The following PTPRT variants were observed in gnomAD, a reference collection of about 807,000 sequenced individuals.
PTPRT encodes the protein receptor-type tyrosine-protein phosphatase T.
A neutral mutation model predicts 176.8 loss-of-function variants in PTPRT; 56 were observed. The observed-to-expected ratio is 0.32, with a 90% CI of 0.26 to 0.40. The LOEUF is 0.40. Among genes scored for constraint, PTPRT ranks in the 10% least tolerant of loss-of-function variants. The pLI is 1.00. For missense variants in PTPRT, 1,540 were observed against 1,908.2 expected (o/e 0.81, Z 3.60); for synonymous variants, 783 against 739.0 (o/e 1.06, Z -0.96).
At chr20:42,444,592 C>G (rs1047207728) in intron 9 of PTPRT, among the ~76,000 whole-genome samples, 2 of 151,984 alleles carry the variant, frequency 1.3e-5, no homozygotes, top group Non-Finnish European at 2.9e-5. Flanking sequence ...TGAAACTTCC[C>G]TCCTTCCCCT....
intron 1 of PTPRT, among the ~76,000 whole-genome samples, chr20:42,902,040 T>C (rs370507031): frequency 3.9e-4 from 59 of 152,216 alleles, no homozygotes; most frequent in African/African-American, 1.4e-3. Flanking sequence ...CATTCTTCCT[T>C]CCAAAGGCCT....
chr20:42,349,248 C>T (rs1391403871), intron 11 of PTPRT, among the ~76,000 whole-genome samples: 1 of 152,160 alleles, frequency 6.6e-6, no homozygotes, highest in East Asian at 1.9e-4. Flanking sequence ...AAACACACTC[C>T]CATTCTCATC....
rs2077175074 is a variant in PTPRT, at chr20:42,778,861, T to C, written c.568+1357A>G. On this transcript the variant is annotated intron_variant, in intron 4 of 30. Coordinates refer to ENST00000373187, the MANE Select transcript of PTPRT (RefSeq NM_007050.6). ...GTCAATAGAAACATTTCCCCAGGCA[T>C]GACTGAATGACAGACCCATCTGAGA... Among the ~76,000 whole-genome samples, 3 of 152,180 alleles carry C rather than the reference T, an allele frequency of 2.0e-5. No homozygotes were observed. The South Asian group carries it at 6.2e-4, about 32-fold the overall frequency.
intron 7 of PTPRT, among the ~76,000 whole-genome samples, chr20:42,529,229 A>G (rs1337687483): frequency 2.0e-5 from 3 of 152,176 alleles, no homozygotes; most frequent in African/African-American, 7.2e-5. Context: ...TTCTGAGTTC[A>G]AAAAGATGTT....
chr20:42,462,947 G>A (rs546221676), intron 8 of PTPRT, among the ~76,000 whole-genome samples: 1 of 152,264 alleles, frequency 6.6e-6, no homozygotes, highest in South Asian at 2.1e-4. Context: ...ATGAAGCCTG[G>A]ATATAGCTCA....
intron 11 of PTPRT, among the ~76,000 whole-genome samples, chr20:42,347,513 A>G (rs1314694866): frequency 6.6e-6 from 1 of 152,186 alleles, no homozygotes; most frequent in East Asian, 1.9e-4. Context: ...CCTGGGTTGC[A>G]AGAAACATAA....
rs370399222 is a variant in PTPRT at position 43,059,221 on chromosome 20, G to A, written c.88+130425C>T. Reference sequence around the variant, plus strand: ...CTTATCAAACAGTTGCTTGGACATAGCCTTAATGTTCTTTTTTTCAATATG... The same window carrying A: ...CTTATCAAACAGTTGCTTGGACATAACCTTAATGTTCTTTTTTTCAATATG... On this transcript the variant is annotated intron_variant, in intron 1 of 30. Coordinates refer to ENST00000373187, the MANE Select transcript of PTPRT (RefSeq NM_007050.6). 4.7e-4 allele frequency among the ~76,000 whole-genome samples: 71 copies of A among 152,268 alleles called. No homozygotes were observed. The South Asian group carries it at 0.014, about 31-fold the overall frequency.
chr20:42,501,138 G>C (rs2145416462), intron 7 of PTPRT, among the ~76,000 whole-genome samples: 1 of 152,174 alleles, frequency 6.6e-6, no homozygotes, highest in East Asian at 1.9e-4. Flanking sequence ...AGGGTAGCCA[G>C]TATCCTAATT....
intron 1 of PTPRT, among the ~76,000 whole-genome samples, chr20:43,074,944 G>A (rs1353219175): frequency 2.0e-5 from 3 of 152,206 alleles, no homozygotes; most frequent in South Asian, 2.1e-4. Context: ...ATGTGCTGAT[G>A]TGCTTACTTC....
chr20:42,772,741 A>G (rs1362976050), intron 4 of PTPRT, among the ~76,000 whole-genome samples: 1 of 152,220 alleles, frequency 6.6e-6, no homozygotes, highest in Non-Finnish European at 1.5e-5. Flanking sequence ...GAGGTTTAAC[A>G]GGAGGCTTTG....
chr20:43,153,667 G>A (rs1387933755), intron 1 of PTPRT, among the ~76,000 whole-genome samples: 1 of 151,966 alleles, frequency 6.6e-6, no homozygotes, highest in African/African-American at 2.4e-5. Flanking sequence ...CAGACAACAT[G>A]GCCTCAAGAA....
chr20:42,657,112 A>T (rs2075138943), intron 7 of PTPRT, among the ~76,000 whole-genome samples: 1 of 152,086 alleles, frequency 6.6e-6, no homozygotes. Context: ...TGGTTTTATA[A>T]GGGTTTTCCC....
chr20:42,695,113 A>G (rs1477663352), intron 6 of PTPRT, among the ~76,000 whole-genome samples: 1 of 152,202 alleles, frequency 6.6e-6, no homozygotes, highest in Non-Finnish European at 1.5e-5. Context: ...TTCTTGATAT[A>G]TTCTAGACAT....
intron 2 of PTPRT, among the ~76,000 whole-genome samples, chr20:42,855,332 A>T (rs2078542253): frequency 6.6e-6 from 1 of 151,714 alleles, no homozygotes; most frequent in African/African-American, 2.4e-5. Flanking sequence ...CAACAAAAAT[A>T]TTATTAATTC....
chr20:42,649,898 A>G (rs2074998028), intron 7 of PTPRT, among the ~76,000 whole-genome samples: 1 of 152,122 alleles, frequency 6.6e-6, no homozygotes, highest in Non-Finnish European at 1.5e-5. Flanking sequence ...TACTTGCCTC[A>G]GGTCTATGTT....
chr20:43,129,473 A>G (rs1015821891), intron 1 of PTPRT, among the ~76,000 whole-genome samples: 11 of 152,048 alleles, frequency 7.2e-5, no homozygotes, highest in Admixed American at 6.6e-4. Context: ...TGAGCCCACA[A>G]TTTTTATACT....
chr20:42,841,163 A>G (rs370876433), intron 2 of PTPRT, among the ~76,000 whole-genome samples: 1 of 152,162 alleles, frequency 6.6e-6, no homozygotes, highest in Non-Finnish European at 1.5e-5. Context: ...CAGGTTTGGT[A>G]CTTGCCTCCT....
chr20:42,777,185 C>A (rs1486993601), intron 4 of PTPRT, among the ~76,000 whole-genome samples: 1 of 145,982 alleles, frequency 6.9e-6, no homozygotes, highest in Non-Finnish European at 1.6e-5. Context: ...AGCAGCACTC[C>A]CTGCAGCAGA....
At chr20:43,142,372 G>T (rs1283357369) in intron 1 of PTPRT, among the ~76,000 whole-genome samples, 1 of 152,212 alleles carries the variant, frequency 6.6e-6, no homozygotes, top group Non-Finnish European at 1.5e-5. Context: ...AGTTGAAGAT[G>T]GCAGAACTGC....
Sources: gnomAD v4.1 joint callset for allele counts (sites outside exome capture counted in the v4.1 genomes callset) on GRCh38, gnomAD v4.1.1 for gene constraint, MANE v1.5 for transcripts, NCBI Gene and HGNC (gene_info 2026-07-23, HGNC 2026-07-21) for gene names.